Variants in PARL observed in about 807,000 individuals in gnomAD.
PARL encodes the protein presenilin associated rhomboid like.
In PARL, 44 loss-of-function variants were observed where a neutral mutation model predicts 51.6. The observed-to-expected ratio is 0.85, with a 90% CI of 0.67 to 1.10. PARL has a LOEUF of 1.10. PARL is among the 50% of genes least tolerant of loss of function. The probability of loss-of-function intolerance (pLI) is 0.00; values close to 1 mark genes in which losing one functional copy is unlikely to be tolerated. For missense variants in PARL, 441 were observed against 469.5 expected, an observed-to-expected ratio of 0.94 and a Z score of 0.56; for synonymous variants, 172 against 164.0, an observed-to-expected ratio of 1.05 and a Z score of -0.37.
rs371236566 is a variant in PARL at position 183,829,558 on chromosome 3, C to A, written c.*40G>T. The A allele has an allele frequency of 3.1e-6, 5 of 1,614,014 alleles. No individual in the cohort carries two copies. The East Asian group carries it at 8.9e-5, about 29-fold the overall frequency. On this transcript the variant is annotated 3_prime_UTR_variant, in exon 10 of 10. Coordinates refer to ENST00000317096, the MANE Select transcript of PARL (RefSeq NM_018622.7). ...GCCGATGTCTCCTGGGGCTCTCAGG[C>A]GGCAAGGACCAGATGCACCACTACT...
rs1019792654 is a variant in PARL, at chr3:183,837,548, G to A, written c.828+3022C>T. 3.7e-4 allele frequency among the ~76,000 whole-genome samples: 57 copies of A among 152,202 alleles called. 1 individual carries two copies. Among genetic ancestry groups the A allele is most frequent in the African/African-American group, 1.3e-3 (53 of 41,518 alleles). On this transcript the variant is annotated intron_variant, in intron 7 of 9. Transcript: ENST00000317096. ...CAGAGGCACACTAGGTAGCCTGCAC[G>A]CCCTCAGCTCCCATCCCTGCCCTGC...
intron 1 of PARL, among the ~76,000 whole-genome samples, chr3:183,884,019 CAA>C (rs1406971332): frequency 2.6e-5 from 4 of 152,180 alleles, no homozygotes; most frequent in African/African-American, 9.7e-5. Context: ...AAGTTTTGAA[CAA>C]AAGAGGAGGA....
At chr3:183,850,929 T>A (rs887584904) in intron 4 of PARL, among the ~76,000 whole-genome samples, 5 of 152,134 alleles carry the variant, frequency 3.3e-5, no homozygotes, top group African/African-American at 1.2e-4. Context: ...ATAAAGACAA[T>A]GTAGTATTAG....
intron 6 of PARL, 77 bp downstream of exon 6, chr3:183,842,221 A>C: frequency 7.4e-7 from 1 of 1,353,890 alleles, no homozygotes; most frequent in Non-Finnish European, 1.1e-6. Flanking sequence ...ATATGGCAGT[A>C]ATCATTCCCT....
chr3:183,873,274 G>A (rs942400244), intron 1 of PARL, among the ~76,000 whole-genome samples: 2 of 152,192 alleles, frequency 1.3e-5, no homozygotes, highest in African/African-American at 4.8e-5. Context: ...GGGAGGCTGG[G>A]GTGGGAGGAT....
intron 4 of PARL, among the ~76,000 whole-genome samples, chr3:183,846,213 G>A (rs990814400): frequency 6.6e-6 from 1 of 152,074 alleles, no homozygotes; most frequent in African/African-American, 2.4e-5. Context: ...GATAAAGGCC[G>A]GGTGCGGTGG....
chr3:183,833,395 G>A, intron 9 of PARL, 97 bp downstream of exon 9: 1 of 792,876 alleles, frequency 1.3e-6, no homozygotes, highest in Non-Finnish European at 2.2e-6. Flanking sequence ...ATAGTTCAAT[G>A]TCTCTGCCAT....
intron 3 of PARL, among the ~76,000 whole-genome samples, chr3:183,865,888 T>C (rs1454827058): frequency 6.6e-6 from 1 of 151,824 alleles, no homozygotes; most frequent in African/African-American, 2.4e-5. Context: ...TTTTCTTTTT[T>C]TTTTTTTTTG....
At chr3:183,876,190 G>A (rs774411166) in intron 1 of PARL, among the ~76,000 whole-genome samples, 4 of 152,090 alleles carry the variant, frequency 2.6e-5, no homozygotes, top group Non-Finnish European at 4.4e-5. Flanking sequence ...GGGATCACAG[G>A]CGCCTGCCAT....
intron 1 of PARL, chr3:183,883,791 C>G (rs1363148464): frequency 2.8e-5 from 17 of 609,194 alleles, no homozygotes; most frequent in Non-Finnish European, 4.1e-6. Context: ...CCACCCACCC[C>G]TCTCCTGATT....
intron 6 of PARL, among the ~76,000 whole-genome samples, 159 bp from the exon 7 acceptor site, chr3:183,840,799 A>G (rs1462199583): frequency 6.7e-6 from 1 of 148,688 alleles, no homozygotes. Flanking sequence ...ACCTGTGCCT[A>G]CCGGGTTCAA....
intron 4 of PARL, among the ~76,000 whole-genome samples, chr3:183,855,053 C>A (rs770822583): frequency 1.3e-5 from 2 of 152,030 alleles, no homozygotes; most frequent in Non-Finnish European, 2.9e-5. Flanking sequence ...ACACAAAAGG[C>A]CACATATTAT....
In PARL at chr3:183,829,510, G is replaced by T. The variant is rs548057248; in HGVS notation, c.*88C>A. The T allele has an allele frequency of 6.2e-7, 1 of 1,613,102 alleles. No homozygotes were observed. Among genetic ancestry groups the T allele is most frequent in the Non-Finnish European group, 8.5e-7 (1 of 1,179,844 alleles). On this transcript the variant is annotated 3_prime_UTR_variant, in exon 10 of 10. Transcript: ENST00000317096. ...GCCAGATGCTGGCATCTTCCAGACG[G>T]GAGCATAGCCATGGTCACTCTAGCC...
At chr3:183,844,631 A>T (rs1015160361) in intron 4 of PARL, 20 of 300,676 alleles carry the variant, frequency 6.7e-5, no homozygotes, top group African/African-American at 4.3e-4. Context: ...CAGATCAATA[A>T]TTTATTGTCT....
rs538691834 is a variant in PARL, at chr3:183,840,557, T to C, written c.828+13A>G. The C allele has an allele frequency of 3.9e-6, 5 of 1,292,252 alleles. No individual in the cohort carries two copies. Among genetic ancestry groups the C allele is most frequent in the South Asian group, 1.3e-5 (1 of 74,628 alleles). The allele number at this position is 1,292,252 out of a possible 1,614,324, so 80.0% of individuals were successfully genotyped here. On this transcript the variant is annotated intron_variant, in intron 7 of 9. Coordinates refer to ENST00000317096, the MANE Select transcript of PARL (RefSeq NM_018622.7). ...AAATTAAATTAAAAAAAATTTACAA[T>C]AGAAATACTTACTGCACCAAGTGAT...
chr3:183,854,167 G>C (rs1427257205), intron 4 of PARL, among the ~76,000 whole-genome samples: 1 of 152,098 alleles, frequency 6.6e-6, no homozygotes, highest in African/African-American at 2.4e-5. Context: ...GCCTGAACCT[G>C]GGAGGTAGAG....
chr3:183,831,392 A>C (rs1420258610), intron 9 of PARL, among the ~76,000 whole-genome samples: 5 of 152,242 alleles, frequency 3.3e-5, no homozygotes, highest in Admixed American at 6.5e-5. Flanking sequence ...GGCTAAACTA[A>C]AATCGGGAAA....
chr3:183,869,106 T>C (rs1323052498), intron 1 of PARL, among the ~76,000 whole-genome samples: 1 of 152,192 alleles, frequency 6.6e-6, no homozygotes, highest in Non-Finnish European at 1.5e-5. Context: ...ACTCAACCCA[T>C]ATAAATTCTT....
At chr3:183,859,030 G>A (rs1277112165) in intron 4 of PARL, among the ~76,000 whole-genome samples, 5 of 152,104 alleles carry the variant, frequency 3.3e-5, no homozygotes, top group African/African-American at 1.2e-4. Flanking sequence ...AGACTCGCCG[G>A]GCGCGGTGGC....
Sources: allele counts gnomAD v4.1 joint callset (sites outside exome capture counted in the v4.1 genomes callset), GRCh38; gene constraint gnomAD v4.1.1; transcripts MANE v1.5; gene names NCBI Gene and HGNC (gene_info 2026-07-23, HGNC 2026-07-21).